Variants in SND1 observed in about 807,000 individuals in gnomAD.
SND1 encodes staphylococcal nuclease and tudor domain containing 1.
In SND1, 38 loss-of-function variants were observed where a neutral mutation model predicts 121.7. The ratio of observed to expected loss-of-function variants is 0.31; its 90% CI spans 0.24 to 0.41. The LOEUF is 0.41. Ranked by LOEUF, SND1 falls within the 10% of genes least tolerant of loss-of-function variation. The pLI, the probability that SND1 is intolerant of heterozygous loss-of-function variation, is 1.00. For missense variants in SND1, 868 were observed against 1,184.6 expected (o/e 0.73, Z 3.92); for synonymous variants, 401 against 447.4 (o/e 0.90, Z 1.31).
rs541347087 is a variant in SND1 at position 127,861,656 on chromosome 7, A to G, written c.1343+17232A>G. Among the ~76,000 whole-genome samples, 29 of 152,248 alleles carry G rather than the reference A, an allele frequency of 1.9e-4. No individual in the cohort carries two copies. The East Asian group carries it at 4.6e-3, about 24-fold the overall frequency. On this transcript the variant is annotated intron_variant, in intron 12 of 23. Coordinates refer to ENST00000354725, the MANE Select transcript of SND1 (RefSeq NM_014390.4). ...CACCCAGCTAATTTTTACATTTTTT[A>G]GTAGAGACAGGGTTTCGCCATGTTG... is the stretch of plus-strand genomic sequence containing the variant.
At chr7:127,745,998 G>A (rs1162979306) in intron 10 of SND1, among the ~76,000 whole-genome samples, 5 of 152,130 alleles carry the variant, frequency 3.3e-5, no homozygotes, top group Non-Finnish European at 7.4e-5. Context: ...ATCCATTTTG[G>A]GGTAGTCAGC....
At chr7:127,832,621 G>C (rs1297638837) in intron 11 of SND1, among the ~76,000 whole-genome samples, 2 of 152,226 alleles carry the variant, frequency 1.3e-5, no homozygotes, top group Non-Finnish European at 2.9e-5. Flanking sequence ...GTGAGCCATA[G>C]ACTATTCTTA....
chr7:128,068,234 A>G (rs1042697228), intron 16 of SND1, among the ~76,000 whole-genome samples: 6 of 151,526 alleles, frequency 4.0e-5, no homozygotes. Flanking sequence ...TACCACATGC[A>G]TGCACATGCT....
chr7:127,756,948 A>G (rs1295420240), intron 10 of SND1, among the ~76,000 whole-genome samples: 1 of 152,196 alleles, frequency 6.6e-6, no homozygotes, highest in Non-Finnish European at 1.5e-5. Context: ...TGAGGTCAAT[A>G]TCCAGTCATT....
chr7:128,047,242 A>C (rs1285790627), intron 16 of SND1, among the ~76,000 whole-genome samples: 1 of 152,218 alleles, frequency 6.6e-6, no homozygotes, highest in Non-Finnish European at 1.5e-5. Context: ...AGAAGGTGGA[A>C]ATGGCTGTTG....
intron 2 of SND1, 66 bp from the exon 3 acceptor site, chr7:127,694,762 G>T: frequency 6.3e-7 from 1 of 1,591,012 alleles, no homozygotes; most frequent in Non-Finnish European, 8.6e-7. Context: ...GTATGAAGTT[G>T]CTTGAATGCT....
chr7:127,978,673 A>G (rs1236323541), intron 15 of SND1, among the ~76,000 whole-genome samples: 1 of 152,192 alleles, frequency 6.6e-6, no homozygotes, highest in Non-Finnish European at 1.5e-5. Flanking sequence ...TCTAGGTCAC[A>G]TGACCATAAG....
chr7:127,927,831 A>G (rs944795795), intron 14 of SND1, among the ~76,000 whole-genome samples: 14 of 152,206 alleles, frequency 9.2e-5, no homozygotes, highest in Non-Finnish European at 2.9e-5. Context: ...TAATTTAAAT[A>G]AAATAGCTCT....
intron 18 of SND1, chr7:128,081,798 A>T: frequency 1.7e-6 from 1 of 595,322 alleles, no homozygotes; most frequent in Non-Finnish European, 3.4e-6. Context: ...TGGAGCTCTG[A>T]GTCTCTTAGG....
chr7:127,696,406 A>G (rs191946531), intron 3 of SND1, among the ~76,000 whole-genome samples: 14 of 152,362 alleles, frequency 9.2e-5, no homozygotes, highest in Admixed American at 3.3e-4. Context: ...CAAAAAGGGA[A>G]ATAAGTTTGC....
chr7:128,084,619 C>A, intron 18 of SND1, 105 bp from the exon 19 acceptor site: 1 of 1,308,032 alleles, frequency 7.6e-7, no homozygotes. Context: ...CAGTGCCCCC[C>A]AGAATTTTAC....
chr7:127,954,251 C>T (rs6963614), intron 15 of SND1, among the ~76,000 whole-genome samples: 136,291 of 152,252 alleles, frequency 0.9, 61,325 homozygotes, highest in African/African-American at 0.98. Flanking sequence ...TTCATTAAGC[C>T]AACAGTGGGG....
chr7:127,938,324 A>G (rs569027329), intron 15 of SND1, among the ~76,000 whole-genome samples: 2 of 152,348 alleles, frequency 1.3e-5, no homozygotes, highest in South Asian at 2.1e-4. Flanking sequence ...GTAGTCTTCA[A>G]TAGATAAATT....
chr7:127,787,995 C>T (rs1488403638), intron 10 of SND1, among the ~76,000 whole-genome samples: 2 of 152,148 alleles, frequency 1.3e-5, no homozygotes, highest in African/African-American at 4.8e-5. Flanking sequence ...TGCATATATT[C>T]TCACTAGTAG....
intron 10 of SND1, among the ~76,000 whole-genome samples, chr7:127,806,303 T>C (rs765583866): frequency 1.3e-4 from 20 of 152,186 alleles, no homozygotes; most frequent in Non-Finnish European, 1.6e-4. Context: ...CAAGTGGTTC[T>C]CATCATCTCT....
chr7:127,765,021 G>A (rs1370401126), intron 10 of SND1, among the ~76,000 whole-genome samples: 1 of 152,096 alleles, frequency 6.6e-6, no homozygotes, highest in Non-Finnish European at 1.5e-5. Flanking sequence ...CCTGATTTTT[G>A]CAACGAGTTG....
intron 5 of SND1, 131 bp from the exon 6 acceptor site, chr7:127,702,304 T>G (rs1374278303): frequency 9.6e-6 from 7 of 731,852 alleles, no homozygotes; most frequent in Non-Finnish European, 1.7e-5. Context: ...AAGTGCATCC[T>G]TACTTTTCAG....
intron 10 of SND1, among the ~76,000 whole-genome samples, chr7:127,756,094 G>A (rs1253612091): frequency 5.3e-5 from 8 of 152,214 alleles, no homozygotes; most frequent in Admixed American, 4.6e-4. Context: ...AAGTATTAGA[G>A]CTGATAAATG....
At chr7:127,994,236 C>T (rs767957858) in intron 16 of SND1, among the ~76,000 whole-genome samples, 1 of 152,164 alleles carries the variant, frequency 6.6e-6, no homozygotes, top group Non-Finnish European at 1.5e-5. Context: ...CAGCACAGAG[C>T]TACTCACATT....
Sources: gnomAD v4.1 joint callset for allele counts (sites outside exome capture counted in the v4.1 genomes callset) on GRCh38, gnomAD v4.1.1 for gene constraint, MANE v1.5 for transcripts, NCBI Gene and HGNC (gene_info 2026-07-23, HGNC 2026-07-21) for gene names.